The following COBL variants were observed in gnomAD, a reference collection of about 807,000 sequenced individuals.
COBL encodes protein cordon-bleu.
Under a neutral mutation model 98.8 loss-of-function variants are expected in COBL, and 51 were observed. That is an observed-to-expected ratio of 0.52 (90% confidence interval 0.41 to 0.65). The LOEUF is 0.65. Ranked by LOEUF, COBL falls within the 30% of genes least tolerant of loss-of-function variation. The pLI is 0.00. For missense variants in COBL, 1,617 were observed against 1,617.5 expected, an observed-to-expected ratio of 1.00 and a Z score of 0.01; for synonymous variants, 634 against 651.7, an observed-to-expected ratio of 0.97 and a Z score of 0.41.
chr7:51,168,797 T>C (rs915283371), intron 5 of COBL, among the ~76,000 whole-genome samples: 5 of 152,182 alleles, frequency 3.3e-5, no homozygotes, highest in Non-Finnish European at 5.9e-5. Flanking sequence ...AATTAGTATA[T>C]TGAAGAGATA....
intron 5 of COBL, among the ~76,000 whole-genome samples, chr7:51,168,970 G>C (rs1439177902): frequency 6.6e-6 from 1 of 152,100 alleles, no homozygotes; most frequent in Non-Finnish European, 1.5e-5. Context: ...TCAGCCAAGG[G>C]GATTCCAGAG....
Position 51,306,379 on chromosome 7 carries a change from G to C in COBL, c.41+10214C>G, listed in dbSNP as rs1224358503. Among the ~76,000 whole-genome samples, 4 of 152,266 alleles carry C rather than the reference G, an allele frequency of 2.6e-5. No homozygotes were observed. The East Asian group carries it at 7.7e-4, about 29-fold the overall frequency. ...CAGCTTGGAGCAAGGGCTGTATAAA[G>C]TTACCCAAAGAAAACACAATTAGCG... On this transcript the variant is annotated intron_variant, in intron 1 of 12. Coordinates refer to ENST00000265136, the MANE Select transcript of COBL (RefSeq NM_015198.5).
At chr7:51,055,001 G>A (rs894590128) in intron 7 of COBL, among the ~76,000 whole-genome samples, 40 of 152,206 alleles carry the variant, frequency 2.6e-4, no homozygotes, top group African/African-American at 9.4e-4. Context: ...GGGGACAGAT[G>A]GGGAGCCAGG....
chr7:51,189,765 T>C (rs1271252925), intron 4 of COBL, among the ~76,000 whole-genome samples: 1 of 152,202 alleles, frequency 6.6e-6, no homozygotes, highest in African/African-American at 2.4e-5. Context: ...TGTGGAATAA[T>C]GAAACAGAGA....
At chr7:51,208,253 G>A (rs1318306406) in intron 2 of COBL, among the ~76,000 whole-genome samples, 2 of 151,940 alleles carry the variant, frequency 1.3e-5, no homozygotes, top group African/African-American at 4.8e-5. Context: ...CGTCTGAGAA[G>A]TGAGGAGCCC....
intron 6 of COBL, among the ~76,000 whole-genome samples, chr7:51,132,957 C>T (rs1798893077): frequency 6.6e-6 from 1 of 152,166 alleles, no homozygotes; most frequent in East Asian, 1.9e-4. Context: ...ACACCTCCCA[C>T]CAGGCCCCAC....
chr7:51,152,689 A>T (rs1785682989), intron 5 of COBL, among the ~76,000 whole-genome samples: 1 of 152,260 alleles, frequency 6.6e-6, no homozygotes, highest in Non-Finnish European at 1.5e-5. Flanking sequence ...GGCAGAAAAT[A>T]ATTCCAAAAC....
At chr7:51,095,034 CTG>C (rs1331871925) in intron 6 of COBL, among the ~76,000 whole-genome samples, 3 of 152,086 alleles carry the variant, frequency 2.0e-5, no homozygotes, top group Non-Finnish European at 4.4e-5. Flanking sequence ...GAATCAAAGT[CTG>C]TGTATTAGTC....
At chr7:51,262,237 A>ACTTC (rs1797788575) in intron 1 of COBL, among the ~76,000 whole-genome samples, 1 of 152,180 alleles carries the variant, frequency 6.6e-6, no homozygotes. Flanking sequence ...CAGAAGAAGA[A>ACTTC]GTGCAGGTGC....
chr7:51,024,941 G>A (rs1787371153), intron 12 of COBL, among the ~76,000 whole-genome samples, 168 bp downstream of exon 12: 1 of 152,168 alleles, frequency 6.6e-6, no homozygotes, highest in African/African-American at 2.4e-5. Flanking sequence ...GCCTTCATCT[G>A]CCACTCTGGT....
chr7:51,039,726 C>T (rs767569733), intron 8 of COBL, among the ~76,000 whole-genome samples: 111 of 152,322 alleles, frequency 7.3e-4, no homozygotes, highest in Non-Finnish European at 1.4e-3. Context: ...GTGCAACAAT[C>T]GATGCAGCCT....
At chr7:51,085,682 T>C (rs1294358479) in intron 6 of COBL, among the ~76,000 whole-genome samples, 1 of 152,206 alleles carries the variant, frequency 6.6e-6, no homozygotes, top group South Asian at 2.1e-4. Context: ...GAACAATTCC[T>C]TCTGGAACAG....
Position 51,026,747 on chromosome 7 carries a change from C to G in COBL, c.3385-82G>C, listed in dbSNP as rs1787610685. On this transcript the variant is annotated intron_variant, in intron 10 of 12. Transcript: ENST00000265136. ...AATGCAGCTCATGAGAAAACCCACT[C>G]ATGGGCCAGGCACGGTGGCTCATGC... 4.6e-6 allele frequency: 7 copies of G among 1,535,630 alleles called. No individual in the cohort carries two copies. In the Admixed American group the frequency reaches 6.9e-5, roughly 15 times the overall value.
At chr7:51,193,236 G>T in intron 3 of COBL, 143 bp downstream of exon 3, 1 of 661,970 alleles carries the variant, frequency 1.5e-6, no homozygotes, top group South Asian at 2.0e-5. Flanking sequence ...ACTCTGTTTA[G>T]TGCCTAGCTT....
At chr7:51,257,220 A>C (rs979123657) in intron 1 of COBL, among the ~76,000 whole-genome samples, 2 of 152,228 alleles carry the variant, frequency 1.3e-5, no homozygotes, top group Non-Finnish European at 2.9e-5. Flanking sequence ...GCAATAGTGA[A>C]TTACGTCCCC....
intron 5 of COBL, among the ~76,000 whole-genome samples, chr7:51,155,020 C>T (rs1300571766): frequency 6.6e-6 from 1 of 152,110 alleles, no homozygotes; most frequent in African/African-American, 2.4e-5. Flanking sequence ...GAAATAATAG[C>T]AATAATATTA....
chr7:51,224,607 C>T (rs925354890), intron 1 of COBL, among the ~76,000 whole-genome samples: 4 of 152,054 alleles, frequency 2.6e-5, no homozygotes, highest in East Asian at 1.9e-4. Flanking sequence ...CAGGAGAAGA[C>T]GCTAAAACAG....
intron 1 of COBL, among the ~76,000 whole-genome samples, chr7:51,250,116 G>T (rs187697240): frequency 2.0e-5 from 3 of 151,812 alleles, no homozygotes; most frequent in African/African-American, 7.2e-5. Flanking sequence ...AAAAAAAGAA[G>T]AAAGAAAATA....
chr7:51,219,922 G>A lies in COBL; in HGVS notation c.64C>T (p.Pro22Ser). 6.2e-7 allele frequency: 1 copy of A among 1,611,086 alleles called. No homozygotes were observed. ...PTGRKMKARA[P>S]PPPGKAATLH... ...GTGGCAGCCTTTCCAGGAGGTGGGGGAGCACGAGCCTTCATCTTCCTCCTT... is the reference window on the plus strand; with the variant it reads ...GTGGCAGCCTTTCCAGGAGGTGGGGAAGCACGAGCCTTCATCTTCCTCCTT... The change falls in exon 2 of 13, where the codon CCC becomes TCC. Residue 22 changes from proline (P) to serine (S), a missense_variant. Physicochemically the swap from Pro to Ser is moderately conservative, Grantham distance 74. Transcript: ENST00000265136.
Sources: allele counts gnomAD v4.1 joint callset (sites outside exome capture counted in the v4.1 genomes callset), GRCh38; gene constraint gnomAD v4.1.1; transcripts MANE v1.5; gene names NCBI Gene and HGNC (gene_info 2026-07-23, HGNC 2026-07-21).